Variants in ACAP2 observed in about 807,000 individuals in gnomAD.
The protein encoded by ACAP2 is arf-GAP with coiled-coil, ANK repeat and PH domain-containing protein 2.
Under a neutral mutation model 115.8 loss-of-function variants are expected in ACAP2, and 39 were observed. The ratio of observed to expected loss-of-function variants is 0.34; its 90% CI spans 0.26 to 0.44. The LOEUF is 0.44. Ranked by LOEUF, ACAP2 falls within the 20% of genes least tolerant of loss-of-function variation. The probability of loss-of-function intolerance (pLI) is 1.00; values close to 1 mark genes in which losing one functional copy is unlikely to be tolerated. For missense variants in ACAP2, 662 were observed against 927.6 expected (o/e 0.71, Z 3.72); for synonymous variants, 289 against 315.8 (o/e 0.92, Z 0.90).
chr3:195,338,863 T>A (rs1170840227), intron 6 of ACAP2, among the ~76,000 whole-genome samples: 1 of 151,610 alleles, frequency 6.6e-6, no homozygotes, highest in African/African-American at 2.4e-5. Flanking sequence ...CTGTATTTTA[T>A]CAAATAATTT....
intron 16 of ACAP2, among the ~76,000 whole-genome samples, chr3:195,296,665 C>G (rs1727674558): frequency 6.6e-6 from 1 of 152,258 alleles, no homozygotes; most frequent in African/African-American, 2.4e-5. Flanking sequence ...ATTCAATGAG[C>G]CCTCCTTATA....
chr3:195,406,849 C>T lies in ACAP2; in HGVS notation c.54-14702G>A, dbSNP rs114670898. On this transcript the variant is annotated intron_variant, in intron 1 of 22. Coordinates refer to ENST00000326793, the MANE Select transcript of ACAP2 (RefSeq NM_012287.6). ...ACTTCCAAGGAAGTATAAACTAAGA[C>T]ACGCTACAAATTCAAAATATGTTGT... 6.4e-3 allele frequency among the ~76,000 whole-genome samples: 967 copies of T among 152,260 alleles called. 3 individuals carry two copies. Among genetic ancestry groups the T allele is most frequent in the Non-Finnish European group, 0.011 (719 of 68,010 alleles).
chr3:195,394,094 G>T (rs1343654378), intron 1 of ACAP2, among the ~76,000 whole-genome samples: 3 of 152,016 alleles, frequency 2.0e-5, no homozygotes, highest in Non-Finnish European at 1.5e-5. Context: ...CTAATAAAGG[G>T]GAAAAAGAAG....
chr3:195,289,966 T>C (rs999577582), intron 20 of ACAP2, among the ~76,000 whole-genome samples: 3 of 152,152 alleles, frequency 2.0e-5, no homozygotes, highest in African/African-American at 7.2e-5. Context: ...AGTAATCTGC[T>C]TGCTGTACTT....
rs759811991 is a variant in ACAP2 at position 195,381,944 on chromosome 3, G to C, written c.190C>G (p.Arg64Gly). Reference sequence around the variant, plus strand: ...TTACTAGAATACTGAGCCAGGTCTCGAATCCCATTCATGAACTGTTTATTT... The same window carrying C: ...TTACTAGAATACTGAGCCAGGTCTCCAATCCCATTCATGAACTGTTTATTT... ...VANKQFMNGI[R>G]DLAQYSSNDA... Residue 64 changes from arginine to glycine, a missense_variant, in exon 3 of 23, where the codon CGA (arginine) becomes GGA (glycine). Arg to Gly is a moderately radical substitution (Grantham distance 125, BLOSUM62 -2). Transcript: ENST00000326793. 1 of 1,610,404 alleles carries C rather than the reference G, an allele frequency of 6.2e-7. No individual in the cohort carries two copies. Among genetic ancestry groups the C allele is most frequent in the South Asian group, 1.1e-5 (1 of 90,518 alleles).
intron 17 of ACAP2, 75 bp downstream of exon 17, chr3:195,295,633 T>C: frequency 6.7e-7 from 1 of 1,496,562 alleles, no homozygotes; most frequent in Non-Finnish European, 9.2e-7. Context: ...CGACAATGGC[T>C]ATTAGTTCAG....
intron 13 of ACAP2, among the ~76,000 whole-genome samples, chr3:195,302,426 T>C (rs1038363116): frequency 1.3e-5 from 2 of 151,814 alleles, no homozygotes; most frequent in African/African-American, 4.8e-5. Flanking sequence ...AATGAACATA[T>C]GTACAAAAGA....
rs1726233040 is a variant in ACAP2 at position 195,277,787 on chromosome 3, A to G, written c.*1541T>C. The G allele has an allele frequency of 6.6e-6, 1 of 151,766 alleles. No homozygotes were observed. The highest frequency in any genetic ancestry group is 1.5e-5 in the Non-Finnish European group (1 of 68,050). The allele number at this position is 151,766 out of a possible 1,614,324, so 9.4% of individuals were successfully genotyped here. A position where few individuals can be genotyped will look rare whatever the true frequency, so the allele number is the denominator to read the frequency against. On this transcript the variant is annotated 3_prime_UTR_variant, in exon 23 of 23. Coordinates refer to ENST00000326793, the MANE Select transcript of ACAP2 (RefSeq NM_012287.6). ...TTGTTGACAACAATGGGAAGGAATC[A>G]AAAGGCAAATTAGGCTGGGTGCGGT...
At chr3:195,302,268 T>C (rs1728113960) in intron 13 of ACAP2, 94 bp from the exon 14 acceptor site, 1 of 1,146,864 alleles carries the variant, frequency 8.7e-7, no homozygotes, top group Non-Finnish European at 1.2e-6. Context: ...TTCCAATCAA[T>C]AAATTAAAGG....
chr3:195,303,414 C>T (rs1180811249), intron 13 of ACAP2, among the ~76,000 whole-genome samples: 3 of 138,908 alleles, frequency 2.2e-5, no homozygotes, highest in Non-Finnish European at 4.7e-5. Context: ...ATCATATGTA[C>T]ATAAATACAT....
In ACAP2 at chr3:195,310,125, G is replaced by GACATTTAC. The variant is rs1157544002; in HGVS notation, c.858-1289_858-1288insGTAAATGT. 2.6e-5 allele frequency among the ~76,000 whole-genome samples: 4 copies of GACATTTAC among 152,040 alleles called. No homozygotes were observed. In the South Asian group the frequency reaches 8.3e-4, roughly 32 times the overall value. ...TATGAAGCATTAGAAATTGTATTTA[G>GACATTTAC]AATTTCTATTTTTAAAAATTAAGTT... On this transcript the variant is annotated intron_variant, in intron 10 of 22. Transcript: ENST00000326793.
At chr3:195,380,559 C>G (rs1234723812) in intron 4 of ACAP2, among the ~76,000 whole-genome samples, 1 of 152,056 alleles carries the variant, frequency 6.6e-6, no homozygotes, top group Non-Finnish European at 1.5e-5. Context: ...ATCTTAAACA[C>G]ACATATAAAT....
intron 1 of ACAP2, among the ~76,000 whole-genome samples, chr3:195,417,076 TAA>T (rs1379086183): frequency 5.1e-5 from 7 of 136,704 alleles, no homozygotes; most frequent in Non-Finnish European, 1.1e-4. Flanking sequence ...AATGCCTGGC[TAA>T]TTTTTTTTTT....
chr3:195,391,847 T>C (rs545927383), intron 2 of ACAP2, among the ~76,000 whole-genome samples: 1 of 151,832 alleles, frequency 6.6e-6, no homozygotes, highest in Non-Finnish European at 1.5e-5. Context: ...CACAAAAAAT[T>C]AGCTGGGCAT....
intron 3 of ACAP2, among the ~76,000 whole-genome samples, chr3:195,381,493 G>A (rs1343125204): frequency 1.3e-5 from 2 of 152,082 alleles, no homozygotes; most frequent in Non-Finnish European, 1.5e-5. Context: ...AGCATAAGCT[G>A]GCTAATCAGA....
At chr3:195,299,496 T>C (rs1437482235) in intron 15 of ACAP2, among the ~76,000 whole-genome samples, 1 of 149,956 alleles carries the variant, frequency 6.7e-6, no homozygotes, top group African/African-American at 2.5e-5. Flanking sequence ...TGAGCCGAGA[T>C]TGCACCACTG....
At chr3:195,339,449 A>G (rs1465059054) in intron 6 of ACAP2, among the ~76,000 whole-genome samples, 1 of 150,656 alleles carries the variant, frequency 6.6e-6, no homozygotes, top group Non-Finnish European at 1.5e-5. Context: ...TTTAAATTTA[A>G]ATGTTATATA....
intron 1 of ACAP2, among the ~76,000 whole-genome samples, chr3:195,409,462 G>A (rs747199003): frequency 6.6e-6 from 1 of 151,898 alleles, no homozygotes; most frequent in Admixed American, 6.6e-5. Flanking sequence ...ATAAACAAAT[G>A]GAAACATATC....
chr3:195,361,365 G>A (rs535889067), intron 4 of ACAP2, among the ~76,000 whole-genome samples: 1 of 151,848 alleles, frequency 6.6e-6, no homozygotes, highest in Non-Finnish European at 1.5e-5. Flanking sequence ...GAACCCAGGA[G>A]GCAGAGGTTG....
Sources: gnomAD v4.1 joint callset for allele counts (sites outside exome capture counted in the v4.1 genomes callset) on GRCh38, gnomAD v4.1.1 for gene constraint, MANE v1.5 for transcripts, NCBI Gene and HGNC (gene_info 2026-07-23, HGNC 2026-07-21) for gene names.